The following GRM8 variants were observed in gnomAD, a reference collection of about 807,000 sequenced individuals.
The protein encoded by GRM8 is glutamate metabotropic receptor 8, also known as metabotropic glutamate receptor 8.
Under a neutral mutation model 87.2 loss-of-function variants are expected in GRM8, and 47 were observed. That is an observed-to-expected ratio of 0.54 (90% CI 0.43 to 0.69). GRM8 has a LOEUF of 0.69. GRM8 is among the 30% of genes least tolerant of loss of function. The pLI is 0.00. For synonymous variants in GRM8, 396 were observed against 404.5 expected (o/e 0.98, Z 0.25); for missense variants, 1,019 against 1,139.2 (o/e 0.89, Z 1.52).
chr7:126,848,623 C>T (rs1253232702), intron 6 of GRM8, among the ~76,000 whole-genome samples: 1 of 151,984 alleles, frequency 6.6e-6, no homozygotes, highest in Non-Finnish European at 1.5e-5. Flanking sequence ...AAATTCGAGA[C>T]CAGCCTGGGC....
At chr7:126,691,764 T>A (rs1808838488) in intron 7 of GRM8, among the ~76,000 whole-genome samples, 1 of 152,144 alleles carries the variant, frequency 6.6e-6, no homozygotes, top group African/African-American at 2.4e-5. Flanking sequence ...GTGGAGCAGA[T>A]AAACTTCAGT....
chr7:126,629,428 T>C (rs903697535), intron 7 of GRM8, among the ~76,000 whole-genome samples: 1 of 152,200 alleles, frequency 6.6e-6, no homozygotes, highest in Non-Finnish European at 1.5e-5. Context: ...TTGTTAAGTT[T>C]CAAATTGTTC....
intron 3 of GRM8, among the ~76,000 whole-genome samples, chr7:127,051,302 A>G (rs1214914839): frequency 1.3e-5 from 2 of 151,816 alleles, no homozygotes; most frequent in Non-Finnish European, 2.9e-5. Context: ...AAGATTGAGA[A>G]CCACTTCTTC....
intron 7 of GRM8, among the ~76,000 whole-genome samples, chr7:126,765,582 T>C (rs1818112056): frequency 6.6e-6 from 1 of 152,102 alleles, no homozygotes; most frequent in South Asian, 2.1e-4. Flanking sequence ...TCTTTGATTC[T>C]ATACAAGATG....
chr7:126,669,957 A>T (rs931689717), intron 7 of GRM8, among the ~76,000 whole-genome samples: 1 of 152,214 alleles, frequency 6.6e-6, no homozygotes, highest in African/African-American at 2.4e-5. Flanking sequence ...TCTCTGGGTG[A>T]ACATATTGAC....
intron 3 of GRM8, among the ~76,000 whole-genome samples, chr7:127,073,864 A>G (rs1399968698): frequency 6.6e-6 from 1 of 152,218 alleles, no homozygotes; most frequent in African/African-American, 2.4e-5. Context: ...GTCCTGTTGA[A>G]TATGAGTCAT....
chr7:126,935,570 A>G (rs1187407144), intron 3 of GRM8, among the ~76,000 whole-genome samples: 2 of 152,190 alleles, frequency 1.3e-5, no homozygotes, highest in Non-Finnish European at 2.9e-5. Flanking sequence ...GGTCTGAATG[A>G]GACAAAGGCC....
chr7:126,654,526 C>T (rs1335941003), intron 7 of GRM8, among the ~76,000 whole-genome samples: 2 of 151,996 alleles, frequency 1.3e-5, no homozygotes, highest in Non-Finnish European at 2.9e-5. Context: ...TCTTCTAGCC[C>T]GAATGAATTG....
At chr7:126,976,901 A>ATTT (rs35457348) in intron 3 of GRM8, among the ~76,000 whole-genome samples, 2 of 146,144 alleles carry the variant, frequency 1.4e-5, no homozygotes, top group African/African-American at 5.0e-5. Flanking sequence ...TATTTTCATT[A>ATTT]TTTTTTTTTT....
intron 3 of GRM8, among the ~76,000 whole-genome samples, chr7:127,093,454 T>C (rs1199594667): frequency 6.6e-6 from 1 of 152,208 alleles, no homozygotes; most frequent in Non-Finnish European, 1.5e-5. Flanking sequence ...TTGTCCTCCA[T>C]GATATGAAAC....
At chr7:126,782,825 C>A (rs1244712925) in intron 6 of GRM8, among the ~76,000 whole-genome samples, 1 of 152,146 alleles carries the variant, frequency 6.6e-6, no homozygotes, top group Non-Finnish European at 1.5e-5. Flanking sequence ...GCAGTCAATC[C>A]TCTGGATGAC....
At chr7:126,593,522 A>T (rs370442764) in intron 8 of GRM8, among the ~76,000 whole-genome samples, 2 of 152,036 alleles carry the variant, frequency 1.3e-5, no homozygotes, top group Admixed American at 6.6e-5. Flanking sequence ...TCAATAACTG[A>T]TGTTGGGAAA....
At chr7:126,654,952 C>T (rs2151259662) in intron 7 of GRM8, among the ~76,000 whole-genome samples, 1 of 152,078 alleles carries the variant, frequency 6.6e-6, no homozygotes, top group East Asian at 1.9e-4. Flanking sequence ...CAGGAAGAGC[C>T]ACAGGGAACT....
chr7:127,016,321 C>A (rs1364791023), intron 3 of GRM8, among the ~76,000 whole-genome samples: 2 of 151,978 alleles, frequency 1.3e-5, no homozygotes, highest in Non-Finnish European at 2.9e-5. Flanking sequence ...CATTCCAATC[C>A]TAGATACACT....
chr7:126,708,027 A>C (rs1371788769), intron 7 of GRM8, among the ~76,000 whole-genome samples: 1 of 152,190 alleles, frequency 6.6e-6, no homozygotes, highest in Non-Finnish European at 1.5e-5. Context: ...AAATTCATAC[A>C]ACTAAATAGT....
rs114379854 is a variant in GRM8 at position 126,495,695 on chromosome 7, C to A, written c.2430+37257G>T. 9.7e-3 allele frequency among the ~76,000 whole-genome samples: 1,472 copies of A among 152,088 alleles called. 31 individuals are homozygous for A. The highest frequency in any genetic ancestry group is 0.034 in the African/African-American group (1,414 of 41,530). On this transcript the variant is annotated intron_variant, in intron 9 of 10. Transcript: ENST00000339582. ...TTTTGTTTGTAAAGACAGCAACTAT[C>A]TGGTTAAATTCTTATACTGAGAACG...
At chr7:126,650,650 A>T (rs541968952) in intron 7 of GRM8, among the ~76,000 whole-genome samples, 3 of 152,100 alleles carry the variant, frequency 2.0e-5, no homozygotes, top group East Asian at 1.9e-4. Flanking sequence ...AAATTTGGGG[A>T]AGAGTTATGT....
At chr7:127,114,024 G>C (rs972443795) in intron 2 of GRM8, among the ~76,000 whole-genome samples, 1 of 152,168 alleles carries the variant, frequency 6.6e-6, no homozygotes, top group African/African-American at 2.4e-5. Context: ...TGTAAAGCCA[G>C]AGTGTGAAAC....
At chr7:127,177,468 C>T (rs1794177616) in intron 2 of GRM8, among the ~76,000 whole-genome samples, 1 of 152,230 alleles carries the variant, frequency 6.6e-6, no homozygotes, top group Non-Finnish European at 1.5e-5. Flanking sequence ...GGGCACTGCC[C>T]ACTGCCAGGC....
Sources: allele counts gnomAD v4.1 joint callset (sites outside exome capture counted in the v4.1 genomes callset), GRCh38; gene constraint gnomAD v4.1.1; transcripts MANE v1.5; gene names NCBI Gene and HGNC (gene_info 2026-07-23, HGNC 2026-07-21).